The following MYO5A variants were observed in gnomAD, a reference collection of about 807,000 sequenced individuals.
MYO5A encodes the protein unconventional myosin-Va.
A neutral mutation model predicts 249.7 loss-of-function variants in MYO5A; 98 were observed. The ratio of observed to expected loss-of-function variants is 0.39; its 90% CI spans 0.33 to 0.46. MYO5A has a LOEUF of 0.46. MYO5A is among the 20% of genes least tolerant of loss of function. The probability of loss-of-function intolerance (pLI) is 0.98; values close to 1 mark genes in which losing one functional copy is unlikely to be tolerated. For missense variants in MYO5A, 1,696 were observed against 2,308.8 expected, an observed-to-expected ratio of 0.73 and a Z score of 5.44; for synonymous variants, 778 against 810.6, an observed-to-expected ratio of 0.96 and a Z score of 0.68.
At chr15:52,438,454 A>G (rs968672076) in intron 1 of MYO5A, among the ~76,000 whole-genome samples, 2 of 152,162 alleles carry the variant, frequency 1.3e-5, no homozygotes, top group African/African-American at 4.8e-5. Context: ...AGTGAATCAA[A>G]CTGGACACAG....
At chr15:52,353,060 T>G (rs1429482166) in intron 27 of MYO5A, among the ~76,000 whole-genome samples, 2 of 152,176 alleles carry the variant, frequency 1.3e-5, no homozygotes, top group East Asian at 3.8e-4. Context: ...AAACACAGAT[T>G]GCTGGGGCGC....
intron 1 of MYO5A, among the ~76,000 whole-genome samples, chr15:52,492,800 A>G (rs528753363): frequency 1.9e-3 from 284 of 152,358 alleles, no homozygotes; most frequent in South Asian, 0.017. Flanking sequence ...TATAGCTGAC[A>G]TAAGATTGGC....
At chr15:52,485,616 C>T (rs2076804379) in intron 1 of MYO5A, among the ~76,000 whole-genome samples, 1 of 152,104 alleles carries the variant, frequency 6.6e-6, no homozygotes, top group Non-Finnish European at 1.5e-5. Flanking sequence ...TAAGTAACCT[C>T]TTGTATGGAT....
intron 5 of MYO5A, among the ~76,000 whole-genome samples, chr15:52,411,742 T>G (rs377288817): frequency 6.6e-6 from 1 of 152,144 alleles, no homozygotes; most frequent in East Asian, 1.9e-4. Context: ...ATGAAAACAA[T>G]AGTAACACAG....
At chr15:52,518,494 T>A (rs371474949) in intron 1 of MYO5A, among the ~76,000 whole-genome samples, 1 of 152,216 alleles carries the variant, frequency 6.6e-6, no homozygotes, top group Non-Finnish European at 1.5e-5. Context: ...TATTAAGATA[T>A]ACATTTCCCA....
chr15:52,397,217 C>T lies in MYO5A; in HGVS notation c.1303G>A (p.Val435Met), dbSNP rs1400931187. The T allele has an allele frequency of 6.2e-7, 1 of 1,613,970 alleles. No homozygotes were observed. Among genetic ancestry groups the T allele is most frequent in the Admixed American group, 1.7e-5 (1 of 59,996 alleles). ...SAVKQHSFIG[V>M]LDIYGFETFE... ...TATACTCACCCGTAAATGTCTAGCA[C>T]ACCAATAAAAGAGTGCTGTTTGACA... The change falls in exon 10 of 42, where the codon GTG becomes ATG. Residue 435 changes from valine to methionine, a missense_variant. By Grantham distance (21) the Val-to-Met change is conservative (BLOSUM62 1). Transcript: ENST00000399233.
chr15:52,402,834 G>C (rs1269190629), intron 9 of MYO5A, among the ~76,000 whole-genome samples: 1 of 152,028 alleles, frequency 6.6e-6, no homozygotes, highest in Non-Finnish European at 1.5e-5. Context: ...GACAGAGCAA[G>C]ACTCCGTCTC....
chr15:52,309,862 G>C lies in MYO5A; in HGVS notation c.*3834C>G, dbSNP rs2037724915. On this transcript the variant is annotated 3_prime_UTR_variant, in exon 42 of 42. Coordinates refer to ENST00000399233, the MANE Select transcript of MYO5A (RefSeq NM_001382347.1). ...GGGGTGTGTGTGTGTGTATGTGTGT[G>C]TGTGTGTGTGTAAGAGAGAAAGGGC... 6.6e-6 allele frequency: 1 copy of C among 152,042 alleles called. No homozygotes were observed. Among genetic ancestry groups the C allele is most frequent in the African/African-American group, 2.4e-5 (1 of 41,374 alleles). 9.4% of individuals were successfully genotyped at this position (152,042 alleles called of 1,614,324 possible). A position where few individuals can be genotyped will look rare whatever the true frequency, so the allele number is the denominator to read the frequency against.
intron 29 of MYO5A, among the ~76,000 whole-genome samples, chr15:52,346,936 C>A (rs942352376): frequency 4.0e-5 from 6 of 151,836 alleles, no homozygotes; most frequent in Non-Finnish European, 7.4e-5. Flanking sequence ...ACATAAAGTT[C>A]ACTTTTTCAT....
intron 1 of MYO5A, among the ~76,000 whole-genome samples, chr15:52,480,093 T>C (rs1419013166): frequency 1.3e-5 from 2 of 152,194 alleles, no homozygotes; most frequent in Non-Finnish European, 2.9e-5. Context: ...TCGTATACCT[T>C]GAATATATAC....
chr15:52,482,206 CT>C (rs2076728961), intron 1 of MYO5A, among the ~76,000 whole-genome samples: 1 of 152,208 alleles, frequency 6.6e-6, no homozygotes, highest in Admixed American at 6.5e-5. Context: ...TAGCAACCAT[CT>C]CTTTTCTCCT....
At chr15:52,452,013 T>C (rs2076029801) in intron 1 of MYO5A, among the ~76,000 whole-genome samples, 1 of 152,206 alleles carries the variant, frequency 6.6e-6, no homozygotes, top group Non-Finnish European at 1.5e-5. Context: ...TCTAAGAGAC[T>C]ACCAATAAGA....
Position 52,397,405 on chromosome 15 carries a change from C to G in MYO5A, c.1115G>C (p.Cys372Ser). The change falls in exon 10 of 42, where the codon TGT (cysteine) becomes TCT (serine). Residue 372 changes from cysteine (C) to serine (S), a missense_variant. Physicochemically the swap from Cys to Ser is moderately radical, Grantham distance 112 (BLOSUM62 -1). This residue lies in a region of MYO5A where 185 missense variants were observed against 204.8 expected (regional missense o/e 0.90). Coordinates refer to ENST00000399233, the MANE Select transcript of MYO5A (RefSeq NM_001382347.1). ...ELMGVDYEEM[C>S]HWLCHRKLAT... ...CAGTTTCCGATGGCAGAGCCAGTGA[C>G]ACATCTCCTCATAGTCCACACCCAT... 1.4e-5 allele frequency: 22 copies of G among 1,614,036 alleles called. No homozygotes were observed. The highest frequency in any genetic ancestry group is 1.8e-5 in the Non-Finnish European group (21 of 1,179,928).
intron 1 of MYO5A, among the ~76,000 whole-genome samples, chr15:52,501,665 AAG>A (rs1435888997): frequency 6.6e-6 from 1 of 152,212 alleles, no homozygotes; most frequent in African/African-American, 2.4e-5. Flanking sequence ...TACTTGAAAA[AAG>A]AAAATATTTG....
intron 9 of MYO5A, among the ~76,000 whole-genome samples, chr15:52,398,136 C>G (rs2042571408): frequency 6.6e-6 from 1 of 152,180 alleles, no homozygotes; most frequent in Non-Finnish European, 1.5e-5. Flanking sequence ...ATCACAGAAA[C>G]AGACAGAGGC....
intron 32 of MYO5A, among the ~76,000 whole-genome samples, chr15:52,339,741 C>T (rs951221500): frequency 4.6e-5 from 7 of 152,188 alleles, no homozygotes; most frequent in Non-Finnish European, 8.8e-5. Context: ...TTTTGCCAAC[C>T]GCCTTTCTCA....
At chr15:52,517,978 G>A (rs1000530134) in intron 1 of MYO5A, among the ~76,000 whole-genome samples, 8 of 151,942 alleles carry the variant, frequency 5.3e-5, no homozygotes, top group African/African-American at 1.9e-4. Context: ...GAAAAAAAAT[G>A]CTTATAAATC....
intron 18 of MYO5A, among the ~76,000 whole-genome samples, chr15:52,378,271 C>A (rs1235872286): frequency 6.6e-6 from 1 of 151,862 alleles, no homozygotes; most frequent in Non-Finnish European, 1.5e-5. Flanking sequence ...ACCTGTAATC[C>A]CAGCACTTTG....
intron 25 of MYO5A, among the ~76,000 whole-genome samples, chr15:52,354,688 T>G (rs1281278107): frequency 6.6e-6 from 1 of 152,164 alleles, no homozygotes; most frequent in Non-Finnish European, 1.5e-5. Flanking sequence ...ACCCCATCTC[T>G]GCTAAAAATA....
Sources: allele counts gnomAD v4.1 joint callset (sites outside exome capture counted in the v4.1 genomes callset), GRCh38; gene constraint gnomAD v4.1.1; regional missense constraint gnomAD v4.1.1; transcripts MANE v1.5; gene names NCBI Gene and HGNC (gene_info 2026-07-23, HGNC 2026-07-21).